Variants in OXSR1 observed in about 807,000 individuals in gnomAD.
The protein encoded by OXSR1 is serine/threonine-protein kinase OSR1.
A neutral mutation model predicts 79.8 loss-of-function variants in OXSR1; 24 were observed. The ratio of observed to expected loss-of-function variants is 0.30; its 90% confidence interval spans 0.22 to 0.42. The LOEUF is 0.42. OXSR1 is among the 10% of genes least tolerant of loss of function. The pLI is 1.00. For missense variants in OXSR1, 430 were observed against 618.4 expected (o/e 0.70, Z 3.23); for synonymous variants, 226 against 209.2 (o/e 1.08, Z -0.69).
At chr3:38,220,962 T>C (rs1392015847) in intron 5 of OXSR1, among the ~76,000 whole-genome samples, 1 of 152,118 alleles carries the variant, frequency 6.6e-6, no homozygotes, top group Non-Finnish European at 1.5e-5. Context: ...TCCTGAGGCT[T>C]AGAGAGGTGA....
chr3:38,220,038 C>T (rs896690946), intron 5 of OXSR1, among the ~76,000 whole-genome samples: 1 of 152,054 alleles, frequency 6.6e-6, no homozygotes, highest in Admixed American at 6.6e-5. Context: ...ATCTCTTGGC[C>T]TCAAGTGGTC....
At chr3:38,252,704 C>T in intron 17 of OXSR1, 113 bp from the exon 18 acceptor site, 1 of 785,494 alleles carries the variant, frequency 1.3e-6, no homozygotes, top group South Asian at 1.5e-5. Flanking sequence ...CTATTTGTAT[C>T]CTAGGGACCT....
At chr3:38,245,195 G>C (rs982655290) in intron 12 of OXSR1, among the ~76,000 whole-genome samples, 1 of 151,956 alleles carries the variant, frequency 6.6e-6, no homozygotes, top group Admixed American at 6.5e-5. Context: ...TATTCAGCCT[G>C]TACTATTACT....
At chr3:38,236,119 A>G (rs1416011624) in intron 10 of OXSR1, among the ~76,000 whole-genome samples, 1 of 152,240 alleles carries the variant, frequency 6.6e-6, no homozygotes, top group Non-Finnish European at 1.5e-5. Flanking sequence ...AATGTATGAT[A>G]AGGTTCAGCT....
At chr3:38,239,878 C>T (rs1702993983) in intron 11 of OXSR1, among the ~76,000 whole-genome samples, 1 of 152,196 alleles carries the variant, frequency 6.6e-6, no homozygotes, top group African/African-American at 2.4e-5. Context: ...TGGAAGCTTT[C>T]AAGGCAGTAT....
intron 4 of OXSR1, among the ~76,000 whole-genome samples, chr3:38,204,077 C>T (rs141894798): frequency 6.2e-4 from 94 of 152,298 alleles, no homozygotes; most frequent in East Asian, 1.7e-3. Context: ...TCTTCCCCCC[C>T]CTTTCCACAA....
chr3:38,229,423 T>C (rs1035712470), intron 8 of OXSR1, among the ~76,000 whole-genome samples: 5 of 151,970 alleles, frequency 3.3e-5, no homozygotes, highest in African/African-American at 1.2e-4. Flanking sequence ...TAAGAAATCA[T>C]GCTTCCAGAA....
At chr3:38,203,121 G>A (rs1270739571) in intron 4 of OXSR1, among the ~76,000 whole-genome samples, 2 of 152,200 alleles carry the variant, frequency 1.3e-5, no homozygotes, top group Non-Finnish European at 2.9e-5. Flanking sequence ...GTAGATAGCG[G>A]TAGAAGGAAT....
chr3:38,206,888 A>G (rs914357846), intron 4 of OXSR1, among the ~76,000 whole-genome samples: 2 of 152,192 alleles, frequency 1.3e-5, no homozygotes, highest in Non-Finnish European at 2.9e-5. Flanking sequence ...CTGGCAAGTT[A>G]TTTAATCTCT....
intron 2 of OXSR1, among the ~76,000 whole-genome samples, chr3:38,189,687 A>G (rs979928780): frequency 1.9e-4 from 29 of 152,192 alleles, no homozygotes; most frequent in African/African-American, 6.5e-4. Context: ...TCATTCAACA[A>G]ATATTTATTG....
rs1470252047 is a variant in OXSR1 at position 38,177,115 on chromosome 3, T to A, written c.71-5888T>A. Reference sequence around the variant, plus strand: ...TCTGCATATTAGAAGATGTCTGTTATCTGGGACCAAAGGTACCTTGCAGAG... The same window carrying A: ...TCTGCATATTAGAAGATGTCTGTTAACTGGGACCAAAGGTACCTTGCAGAG... On this transcript the variant is annotated intron_variant, in intron 1 of 17. Transcript: ENST00000311806. Among the ~76,000 whole-genome samples the A allele has an allele frequency of 2.0e-5, 3 of 152,380 alleles. No homozygotes were observed. The East Asian group carries it at 5.8e-4, about 29-fold the overall frequency.
intron 1 of OXSR1, among the ~76,000 whole-genome samples, chr3:38,177,000 A>G (rs757845930): frequency 1.2e-4 from 19 of 152,364 alleles, no homozygotes; most frequent in Middle Eastern, 3.4e-3. Context: ...ATCCAGGGGT[A>G]GAATAGCTGC....
In OXSR1 at chr3:38,252,457, AG is replaced by A. The variant is rs1703277927; in HGVS notation, c.1509+66del. 4.0e-6 allele frequency: 4 copies of A among 1,003,548 alleles called. No individual in the cohort carries two copies. In the South Asian group the frequency reaches 5.1e-5, roughly 13 times the overall value. The allele number at this position is 1,003,548 out of a possible 1,614,324, so 62.2% of individuals were successfully genotyped here. ...TATACACTGGCAGCTTCTCCAGACCAGCTTCTATATCCCCTGAGTGATGAGA... is the reference window on the plus strand; with the variant it reads ...TATACACTGGCAGCTTCTCCAGACCACTTCTATATCCCCTGAGTGATGAGA... On this transcript the variant is annotated intron_variant, in intron 17 of 17. Coordinates refer to ENST00000311806, the MANE Select transcript of OXSR1 (RefSeq NM_005109.3).
intron 3 of OXSR1, 125 bp downstream of exon 3, chr3:38,190,964 T>C: frequency 4.5e-6 from 3 of 662,102 alleles, no homozygotes; most frequent in Non-Finnish European, 5.4e-6. Context: ...GAAAATATAG[T>C]ATTTGCTGAA....
At chr3:38,236,530 CTTT>C in intron 10 of OXSR1, 3 of 165,996 alleles carry the variant, frequency 1.8e-5, no homozygotes, top group Non-Finnish European at 3.7e-5. Flanking sequence ...CCCAAAACCT[CTTT>C]TTTTTTTTTC....
intron 10 of OXSR1, among the ~76,000 whole-genome samples, chr3:38,235,516 C>T (rs1702901094): frequency 6.6e-6 from 1 of 152,234 alleles, no homozygotes; most frequent in South Asian, 2.1e-4. Context: ...ATGTCCAAAA[C>T]TGGATGGTCA....
At chr3:38,171,783 T>A (rs1221633199) in intron 1 of OXSR1, among the ~76,000 whole-genome samples, 1 of 152,230 alleles carries the variant, frequency 6.6e-6, no homozygotes, top group African/African-American at 2.4e-5. Context: ...TAATCATTGA[T>A]CTTTCAGTAT....
At chr3:38,190,889 G>C (rs1559505988) in intron 3 of OXSR1, 50 bp downstream of exon 3, 3 of 1,018,788 alleles carry the variant, frequency 2.9e-6, no homozygotes, top group Non-Finnish European at 3.0e-6. Context: ...TGAAAAGTTA[G>C]TAAAAGTTTC....
chr3:38,189,653 T>A (rs9835496), intron 2 of OXSR1, among the ~76,000 whole-genome samples: 23,635 of 152,180 alleles, frequency 0.16, 2,578 homozygotes, highest in African/African-American at 0.32. Context: ...GTGAAAAGCC[T>A]TATAAAGTGC....
Sources: gnomAD v4.1 joint callset for allele counts (sites outside exome capture counted in the v4.1 genomes callset) on GRCh38, gnomAD v4.1.1 for gene constraint, MANE v1.5 for transcripts, NCBI Gene and HGNC (gene_info 2026-07-23, HGNC 2026-07-21) for gene names.